Variants in PIP4K2B observed in about 807,000 individuals in gnomAD.
PIP4K2B encodes the protein phosphatidylinositol-5-phosphate 4-kinase type 2 beta, also known as phosphatidylinositol 5-phosphate 4-kinase type-2 beta.
Under a neutral mutation model 42.0 loss-of-function variants are expected in PIP4K2B, and 3 were observed. The observed-to-expected ratio is 0.07, with a 90% CI of 0.03 to 0.18. The LOEUF (loss-of-function observed/expected upper bound fraction) is 0.18, where lower values mean the gene tolerates loss of function less well. PIP4K2B is among the 10% of genes least tolerant of loss of function. The pLI, the probability that PIP4K2B is intolerant of heterozygous loss-of-function variation, is 1.00. For synonymous variants in PIP4K2B, 204 were observed against 210.1 expected, an observed-to-expected ratio of 0.97 and a Z score of 0.25; for missense variants, 332 against 562.3, an observed-to-expected ratio of 0.59 and a Z score of 4.14.
intron 7 of PIP4K2B, among the ~76,000 whole-genome samples, chr17:38,773,060 G>A (rs955267840): frequency 3.3e-5 from 5 of 152,176 alleles, no homozygotes; most frequent in Non-Finnish European, 7.3e-5. Flanking sequence ...GTCCACTGGG[G>A]ATCTTGGAAC....
chr17:38,784,237 C>T lies in PIP4K2B; in HGVS notation c.354+6G>A, dbSNP rs1212968889. 1 of 1,575,066 alleles carries T rather than the reference C, an allele frequency of 6.3e-7. No individual in the cohort carries two copies. Among genetic ancestry groups the T allele is most frequent in the Non-Finnish European group, 8.7e-7 (1 of 1,144,456 alleles). ...AATCCACTGATGTTGCCAGGAGCCT[C>T]CATACCTGGTAATCCTGATCATCAA... On this transcript the variant is annotated splice_donor_region_variant and intron_variant, in intron 3 of 9. Coordinates refer to ENST00000619039, the MANE Select transcript of PIP4K2B (RefSeq NM_003559.5).
intron 4 of PIP4K2B, 142 bp from the exon 5 acceptor site, chr17:38,779,671 G>A: frequency 1.5e-6 from 1 of 677,546 alleles, no homozygotes; most frequent in Admixed American, 2.7e-5. Context: ...GTTCTATGAA[G>A]TAATAGGGGT....
At chr17:38,784,650 A>G (rs1909908720) in intron 2 of PIP4K2B, among the ~76,000 whole-genome samples, 1 of 152,218 alleles carries the variant, frequency 6.6e-6, no homozygotes. Context: ...TCTGGAGTTG[A>G]GTCGAAAAAC....
At chr17:38,797,502 G>C (rs143924417) in intron 1 of PIP4K2B, among the ~76,000 whole-genome samples, 1 of 152,322 alleles carries the variant, frequency 6.6e-6, no homozygotes, top group East Asian at 1.9e-4. Flanking sequence ...GGCCGATACA[G>C]TCCCATGGTG....
chr17:38,790,030 G>C (rs775677125), intron 1 of PIP4K2B, among the ~76,000 whole-genome samples: 5 of 152,102 alleles, frequency 3.3e-5, no homozygotes, highest in Non-Finnish European at 7.4e-5. Flanking sequence ...TTGGGGTGAT[G>C]GTTACATGAG....
chr17:38,793,702 C>T (rs181050757), intron 1 of PIP4K2B, among the ~76,000 whole-genome samples: 22 of 152,148 alleles, frequency 1.4e-4, no homozygotes, highest in Admixed American at 2.6e-4. Context: ...AAAACCCCGA[C>T]TCTTCAAAAA....
intron 2 of PIP4K2B, among the ~76,000 whole-genome samples, chr17:38,785,829 G>A (rs560453940): frequency 6.6e-6 from 1 of 152,180 alleles, no homozygotes; most frequent in Non-Finnish European, 1.5e-5. Context: ...GACCCTGAAG[G>A]GGGTAGTGGT....
chr17:38,787,779 G>A (rs966208778), intron 1 of PIP4K2B, among the ~76,000 whole-genome samples: 1 of 152,024 alleles, frequency 6.6e-6, no homozygotes, highest in Non-Finnish European at 1.5e-5. Context: ...TGTATTTTTA[G>A]TAGAGACAGG....
intron 1 of PIP4K2B, among the ~76,000 whole-genome samples, chr17:38,795,014 C>A (rs11658224): frequency 1.4e-5 from 2 of 143,466 alleles, no homozygotes; most frequent in Admixed American, 1.5e-4. Context: ...GCAGGAGAAT[C>A]GCTTGAACCC....
intron 1 of PIP4K2B, among the ~76,000 whole-genome samples, chr17:38,798,936 A>AGAAGCAG (rs942603428): frequency 2.6e-5 from 4 of 151,958 alleles, no homozygotes; most frequent in South Asian, 2.1e-4. Context: ...GGGGAGGAGG[A>AGAAGCAG]GAAGCAGGGA....
Position 38,780,531 on chromosome 17 carries a change from T to G in PIP4K2B, c.428A>C (p.Tyr143Ser), listed in dbSNP as rs754600970. 1.3e-5 allele frequency: 21 copies of G among 1,613,972 alleles called. No homozygotes were observed. The African/African-American group carries it at 2.4e-4, about 18-fold the overall frequency. Residue 143 changes from tyrosine (Y) to serine (S), a missense_variant, in exon 4 of 10, where the codon TAC (tyrosine) becomes TCC (serine). Physicochemically the swap from Tyr to Ser is moderately radical, Grantham distance 144. Transcript: ENST00000619039. ...GRCGTRFLTT[Y>S]DRRFVIKTVS... is the part of the protein sequence containing the mutation. ...AGTCTTGATGACAAAGCGCCGGTCG[T>G]AGGTGGTGAGGAAACGCGTGCCACA...
At chr17:38,775,951 G>C (rs1449629323) in intron 7 of PIP4K2B, 1 of 442,160 alleles carries the variant, frequency 2.3e-6, no homozygotes, top group African/African-American at 2.1e-5. Flanking sequence ...AAATAACAGA[G>C]TCACAAAAGG....
intron 3 of PIP4K2B, among the ~76,000 whole-genome samples, chr17:38,782,143 G>A (rs1016495164): frequency 9.2e-5 from 14 of 152,170 alleles, no homozygotes; most frequent in African/African-American, 2.4e-4. Flanking sequence ...GGCTGTTCCC[G>A]TTACAGAAAG....
chr17:38,784,468 T>G (rs1311284301), intron 2 of PIP4K2B, 129 bp from the exon 3 acceptor site: 1 of 573,922 alleles, frequency 1.7e-6, no homozygotes. Context: ...ACTCCTGGCT[T>G]CAAGCGATCC....
At chr17:38,775,815 A>G (rs1415760009) in intron 7 of PIP4K2B, among the ~76,000 whole-genome samples, 1 of 151,798 alleles carries the variant, frequency 6.6e-6, no homozygotes, top group Non-Finnish European at 1.5e-5. Flanking sequence ...CCGAGATCGC[A>G]CCACTGCACT....
intron 4 of PIP4K2B, 121 bp downstream of exon 4, chr17:38,780,331 G>C: frequency 1.3e-6 from 1 of 753,358 alleles, no homozygotes; most frequent in South Asian, 2.2e-5. Flanking sequence ...CCCACTGCTT[G>C]GTGATCAGAA....
rs962811053 is a variant in PIP4K2B at position 38,767,733 on chromosome 17, GATCCAAACTTCCATTCTT to G, written c.*1940_*1957del. On this transcript the variant is annotated 3_prime_UTR_variant, in exon 10 of 10. Coordinates refer to ENST00000619039, the MANE Select transcript of PIP4K2B (RefSeq NM_003559.5). Reference sequence around the variant, plus strand: ...GAGATGCTGCGCCTGACGAGGAGCAGATCCAAACTTCCATTCTTCATTATGACGTGGGGAAATCAAGTC... The same window carrying G: ...GAGATGCTGCGCCTGACGAGGAGCAGCATTATGACGTGGGGAAATCAAGTC... 6.6e-6 allele frequency: 1 copy of G among 152,236 alleles called. No individual in the cohort carries two copies. The highest frequency in any genetic ancestry group is 2.4e-5 in the African/African-American group (1 of 41,448). The allele number at this position is 152,236 out of a possible 1,614,324, so 9.4% of individuals were successfully genotyped here.
intron 7 of PIP4K2B, 114 bp from the exon 8 acceptor site, chr17:38,771,386 T>C: frequency 7.9e-7 from 1 of 1,266,718 alleles, no homozygotes; most frequent in Middle Eastern, 1.9e-4. Context: ...ACAAACAGTT[T>C]TGAAATTCAA....
In PIP4K2B at chr17:38,768,157, T is replaced by C. The variant is rs928693621; in HGVS notation, c.*1534A>G. 6.6e-6 allele frequency: 1 copy of C among 152,292 alleles called. No homozygotes were observed. The highest frequency in any genetic ancestry group is 2.4e-5 in the African/African-American group (1 of 41,476). 9.4% of individuals were successfully genotyped at this position (152,292 alleles called of 1,614,324 possible). A position where few individuals can be genotyped will look rare whatever the true frequency, so the allele number is the denominator to read the frequency against. Reference sequence around the variant, plus strand: ...CGATCTTCACATCTTTGGGGTTATCTACAAGTCTGACCATATCTCATCCCA... The same window carrying C: ...CGATCTTCACATCTTTGGGGTTATCCACAAGTCTGACCATATCTCATCCCA... On this transcript the variant is annotated 3_prime_UTR_variant, in exon 10 of 10. Transcript: ENST00000619039.
Sources: allele counts gnomAD v4.1 joint callset (sites outside exome capture counted in the v4.1 genomes callset), GRCh38; gene constraint gnomAD v4.1.1; transcripts MANE v1.5; gene names NCBI Gene and HGNC (gene_info 2026-07-23, HGNC 2026-07-21).